The following SCFD1 variants were observed in gnomAD, a reference collection of about 807,000 sequenced individuals.
The protein encoded by SCFD1 is sec1 family domain containing 1.
Under a neutral mutation model 103.2 loss-of-function variants are expected in SCFD1, and 37 were observed. The observed-to-expected ratio is 0.36, with a 90% confidence interval of 0.28 to 0.47. SCFD1 has a LOEUF of 0.47. Among genes scored for constraint, SCFD1 ranks in the 20% least tolerant of loss-of-function variants. The pLI, the probability that SCFD1 is intolerant of heterozygous loss-of-function variation, is 1.00. For missense variants in SCFD1, 639 were observed against 761.2 expected, an observed-to-expected ratio of 0.84 and a Z score of 1.89; for synonymous variants, 264 against 245.0, an observed-to-expected ratio of 1.08 and a Z score of -0.73.
chr14:30,714,940 C>T (rs1366972771), intron 19 of SCFD1, among the ~76,000 whole-genome samples: 3 of 152,166 alleles, frequency 2.0e-5, no homozygotes, highest in Non-Finnish European at 2.9e-5. Flanking sequence ...TAAAACTTGT[C>T]AGACTGAAAT....
chr14:30,735,250 CT>C (rs1893756983), intron 24 of SCFD1, among the ~76,000 whole-genome samples: 1 of 152,050 alleles, frequency 6.6e-6, no homozygotes, highest in African/African-American at 2.4e-5. Context: ...GTTTACATTT[CT>C]TTACTATGAC....
In SCFD1 at chr14:30,653,511, C is replaced by G; in HGVS notation, c.778C>G (p.Leu260Val). 6.2e-7 allele frequency: 1 copy of G among 1,612,950 alleles called. No individual in the cohort carries two copies. Among genetic ancestry groups the G allele is most frequent in the Non-Finnish European group, 8.5e-7 (1 of 1,179,220 alleles). ...CAGCTTCCAGAGGCCCTTATTAGTC[C>G]TTGTTGACAGAAACATAGATTTGGC... ...QFSFQRPLLVLVDRNIDLATP... is the reference protein window; with the variant it reads ...QFSFQRPLLVVVDRNIDLATP... Residue 260 changes from leucine to valine, a missense_variant, in exon 10 of 25, where the codon CTT (leucine) becomes GTT (valine). Physicochemically the swap from Leu to Val is conservative, Grantham distance 32. Transcript: ENST00000458591.
intron 10 of SCFD1, among the ~76,000 whole-genome samples, chr14:30,663,993 G>A (rs990357187): frequency 2.0e-5 from 3 of 152,092 alleles, no homozygotes; most frequent in East Asian, 1.9e-4. Flanking sequence ...AGACTTAAAC[G>A]TCCCTGTCTG....
chr14:30,656,681 G>A (rs1320491893), intron 10 of SCFD1, among the ~76,000 whole-genome samples: 1 of 152,028 alleles, frequency 6.6e-6, no homozygotes, highest in Non-Finnish European at 1.5e-5. Context: ...TCTGGGAGTA[G>A]CAAGGAAGAC....
chr14:30,727,350 C>T (rs1893118904), intron 23 of SCFD1, among the ~76,000 whole-genome samples: 2 of 152,218 alleles, frequency 1.3e-5, no homozygotes, highest in African/African-American at 2.4e-5. Context: ...TCAGAGACAA[C>T]GTGTCCTAAT....
chr14:30,712,364 G>A (rs765472965), intron 19 of SCFD1, among the ~76,000 whole-genome samples: 26 of 152,112 alleles, frequency 1.7e-4, no homozygotes, highest in Non-Finnish European at 3.5e-4. Flanking sequence ...TGAAGCCCAG[G>A]GCTGCAAGGG....
At chr14:30,711,269 A>G (rs149997049) in intron 19 of SCFD1, among the ~76,000 whole-genome samples, 11 of 152,368 alleles carry the variant, frequency 7.2e-5, no homozygotes, top group African/African-American at 2.2e-4. Flanking sequence ...CACAGTTGCA[A>G]TGTCTGGCCC....
At chr14:30,732,927 A>C (rs1893580233) in intron 23 of SCFD1, among the ~76,000 whole-genome samples, 1 of 152,132 alleles carries the variant, frequency 6.6e-6, no homozygotes, top group South Asian at 2.1e-4. Flanking sequence ...ATGGAAGGTG[A>C]TTGGTTAGAG....
intron 4 of SCFD1, among the ~76,000 whole-genome samples, chr14:30,636,163 A>G (rs1884701187): frequency 6.6e-6 from 1 of 151,704 alleles, no homozygotes; most frequent in African/African-American, 2.4e-5. Context: ...CAAGTTTATG[A>G]TTTGTAAATA....
In SCFD1 at chr14:30,639,764, CT is replaced by C. The variant is rs769706428; in HGVS notation, c.436-9del. 11 of 1,556,240 alleles carry C rather than the reference CT, an allele frequency of 7.1e-6. No homozygotes were observed. Among genetic ancestry groups the C allele is most frequent in the African/African-American group, 1.4e-5 (1 of 72,042 alleles). ...TGTAAGATTGATTTGTAAACCTTTT[CT>C]TTTGTTTCTAGGTTTTTGACCAATA... On this transcript the variant is annotated splice_polypyrimidine_tract_variant and intron_variant, in intron 5 of 24. Coordinates refer to ENST00000458591, the MANE Select transcript of SCFD1 (RefSeq NM_016106.4).
chr14:30,654,212 C>A (rs969192405), intron 10 of SCFD1, among the ~76,000 whole-genome samples: 9 of 152,218 alleles, frequency 5.9e-5, no homozygotes, highest in African/African-American at 1.9e-4. Context: ...ACTATGTAAT[C>A]AGGCCAGAAT....
chr14:30,652,560 A>G (rs1037437924), intron 9 of SCFD1, among the ~76,000 whole-genome samples: 2 of 152,230 alleles, frequency 1.3e-5, no homozygotes, highest in African/African-American at 4.8e-5. Flanking sequence ...GTAAATTTAT[A>G]AGCTCCTACT....
chr14:30,734,733 G>A (rs1353279937), intron 23 of SCFD1, 57 bp from the exon 24 acceptor site: 2 of 1,271,708 alleles, frequency 1.6e-6, no homozygotes, highest in African/African-American at 1.5e-5. Flanking sequence ...CTTTTCTTGG[G>A]AATATTGAAT....
chr14:30,726,039 T>C (rs1230389572), intron 23 of SCFD1, among the ~76,000 whole-genome samples: 2 of 152,192 alleles, frequency 1.3e-5, no homozygotes, highest in African/African-American at 2.4e-5. Context: ...ATGGTTGCAA[T>C]AGACACTTAC....
intron 23 of SCFD1, among the ~76,000 whole-genome samples, chr14:30,724,245 GTTTTTTTT>G (rs58612669): frequency 4.3e-5 from 3 of 69,676 alleles, no homozygotes; most frequent in East Asian, 1.2e-3. Flanking sequence ...TTTTTTATGG[GTTTTTTTT>G]TTTTTTTTTT....
At chr14:30,624,338 C>T (rs540144981) in intron 1 of SCFD1, among the ~76,000 whole-genome samples, 1 of 152,304 alleles carries the variant, frequency 6.6e-6, no homozygotes, top group Admixed American at 6.5e-5. Context: ...CATCTAGCGC[C>T]TTAGCTTTCA....
In SCFD1 at chr14:30,638,250, AAG is replaced by A. The variant is rs1450412093; in HGVS notation, c.435+8_435+9del. 6.2e-7 allele frequency: 1 copy of A among 1,613,094 alleles called. No homozygotes were observed. The highest frequency in any genetic ancestry group is 2.2e-5 in the East Asian group (1 of 44,764). On this transcript the variant is annotated splice_donor_5th_base_variant and intron_variant, in intron 5 of 24. Coordinates refer to ENST00000458591, the MANE Select transcript of SCFD1 (RefSeq NM_016106.4). ...GTGCAGTAACACAAGTAGCCAAGGT[AAG>A]AGAGTTTGGTGGGTTGATGACATTT...
At position 30,622,412 on chromosome 14, in the gene SCFD1, T is replaced by A; in HGVS notation, c.61+13T>A. 2 of 1,551,552 alleles carry A rather than the reference T, an allele frequency of 1.3e-6. No homozygotes were observed. The highest frequency in any genetic ancestry group is 1.2e-5 in the South Asian group (1 of 84,064). On this transcript the variant is annotated intron_variant, in intron 1 of 24. Coordinates refer to ENST00000458591, the MANE Select transcript of SCFD1 (RefSeq NM_016106.4). ...GAAAGGCAGACAGGTACTGACTTAT[T>A]CTCTTCTCCTTGAAGCTTCGTGACT...
intron 14 of SCFD1, chr14:30,676,451 G>A (rs1343214044): frequency 6.6e-6 from 1 of 152,180 alleles, no homozygotes; most frequent in Non-Finnish European, 1.5e-5. Flanking sequence ...GTGAGGCAAT[G>A]GGATATGAGA....
Sources: allele counts gnomAD v4.1 joint callset (sites outside exome capture counted in the v4.1 genomes callset), GRCh38; gene constraint gnomAD v4.1.1; transcripts MANE v1.5; gene names NCBI Gene and HGNC (gene_info 2026-07-23, HGNC 2026-07-21).